ZNF106: variants seen among roughly 807,000 people sequenced by gnomAD.
ZNF106 encodes zinc finger protein 106.
A neutral mutation model predicts 195.1 loss-of-function variants in ZNF106; 67 were observed. The ratio of observed to expected loss-of-function variants is 0.34; its 90% CI spans 0.28 to 0.42. The LOEUF is 0.42. Among genes scored for constraint, ZNF106 ranks in the 10% least tolerant of loss-of-function variants. The pLI, the probability that ZNF106 is intolerant of heterozygous loss-of-function variation, is 1.00. For missense variants in ZNF106, 2,118 were observed against 2,304.5 expected, an observed-to-expected ratio of 0.92 and a Z score of 1.66; for synonymous variants, 784 against 818.6, an observed-to-expected ratio of 0.96 and a Z score of 0.72.
At chr15:42,478,512 C>CTTT (rs58475332) in intron 1 of ZNF106, among the ~76,000 whole-genome samples, 42 of 77,554 alleles carry the variant, frequency 5.4e-4, no homozygotes, top group Non-Finnish European at 7.5e-4. Context: ...TCCTCTTTTT[C>CTTT]TTTTTTTTTT....
chr15:42,430,763 T>C (rs1452564847), intron 14 of ZNF106, among the ~76,000 whole-genome samples: 1 of 151,996 alleles, frequency 6.6e-6, no homozygotes, highest in African/African-American at 2.4e-5. Context: ...CTTTTCCCCC[T>C]GGTTTTATGT....
rs572445481 is a variant in ZNF106, at chr15:42,448,276, G to A, written c.2931C>T (p.Asp977=). The A allele has an allele frequency of 1.2e-6, 2 of 1,614,206 alleles. No homozygotes were observed. Among genetic ancestry groups the A allele is most frequent in the African/African-American group, 1.3e-5 (1 of 75,056 alleles). ...GTATAGACCTCTCCTGGCTGTTCAA[G>A]TCTTTTGCCAAATGCATCAAAGGTA... ...HIIPLMHLAK[D]LNSQERSIPP... The change falls in exon 6 of 22, where the codon GAC becomes GAT. Residue 977 remains aspartate, a synonymous_variant. Coordinates refer to ENST00000564754, the MANE Select transcript of ZNF106 (RefSeq NM_001366845.3).
intron 15 of ZNF106, chr15:42,425,857 T>C (rs1433240582): frequency 6.6e-6 from 1 of 152,230 alleles, no homozygotes; most frequent in African/African-American, 2.4e-5. Flanking sequence ...CAACATCATT[T>C]AGTAGACTAT....
chr15:42,418,036 C>T, intron 20 of ZNF106, 85 bp from the exon 21 acceptor site: 2 of 1,365,638 alleles, frequency 1.5e-6, no homozygotes, highest in Non-Finnish European at 1.9e-6. Context: ...ATCCCATAAG[C>T]ACTATGGAAG....
chr15:42,444,179 TCCA>T lies in ZNF106; in HGVS notation c.3421+20_3421+22del. 1 of 939,920 alleles carries T rather than the reference TCCA, an allele frequency of 1.1e-6. No homozygotes were observed. Among genetic ancestry groups the T allele is most frequent in the Middle Eastern group, 3.8e-4 (1 of 2,660 alleles). 58.2% of individuals were successfully genotyped at this position (939,920 alleles called of 1,614,324 possible). The stretch of plus-strand genomic sequence containing the variant: ...AAGTAACACGCTATAGAGGGCCCAA[TCCA>T]TCAGATGCCCTCTGAATACCTTGTA... On this transcript the variant is annotated intron_variant, in intron 9 of 21. Coordinates refer to ENST00000564754, the MANE Select transcript of ZNF106 (RefSeq NM_001366845.3).
At chr15:42,425,146 T>C (rs1413151821) in intron 15 of ZNF106, 121 bp from the exon 16 acceptor site, 2 of 932,390 alleles carry the variant, frequency 2.1e-6, no homozygotes, top group Non-Finnish European at 3.3e-6. Context: ...ATACCCACTC[T>C]GCAGCCTTAA....
chr15:42,430,822 G>C (rs1341563298), intron 14 of ZNF106, among the ~76,000 whole-genome samples: 1 of 151,212 alleles, frequency 6.6e-6, no homozygotes, highest in Non-Finnish European at 1.5e-5. Flanking sequence ...TTACAAGTTT[G>C]TATAATTTTT....
chr15:42,437,402 A>G (rs1485533240), intron 12 of ZNF106, 25 bp from the exon 13 acceptor site: 1 of 1,612,202 alleles, frequency 6.2e-7, no homozygotes, highest in Non-Finnish European at 8.5e-7. Context: ...TAGGTTTCAG[A>G]GACATGTCTG....
rs1459740672 is a variant in ZNF106 at position 42,444,187 on chromosome 15, A to G, written c.3421+15T>C. The G allele has an allele frequency of 6.3e-7, 1 of 1,584,114 alleles. No homozygotes were observed. Among genetic ancestry groups the G allele is most frequent in the Non-Finnish European group, 8.6e-7 (1 of 1,158,808 alleles). On this transcript the variant is annotated intron_variant, in intron 9 of 21. Transcript: ENST00000564754. ...CGCTATAGAGGGCCCAATCCATCAG[A>G]TGCCCTCTGAATACCTTGTAATCCC...
chr15:42,441,403 T>C (rs2055532410), intron 10 of ZNF106, among the ~76,000 whole-genome samples: 1 of 152,102 alleles, frequency 6.6e-6, no homozygotes, highest in African/African-American at 2.4e-5. Context: ...AACATAGTAC[T>C]GGTAGTAAAA....
At chr15:42,466,301 G>A (rs1054365071) in intron 2 of ZNF106, among the ~76,000 whole-genome samples, 187 bp from the exon 3 acceptor site, 1 of 151,994 alleles carries the variant, frequency 6.6e-6, no homozygotes, top group East Asian at 1.9e-4. Context: ...TATATTTCAT[G>A]TTTAAATAAA....
Position 42,444,913 on chromosome 15 carries a change from A to G in ZNF106, c.3274T>C (p.Cys1092Arg). 1 of 1,614,198 alleles carries G rather than the reference A, an allele frequency of 6.2e-7. No homozygotes were observed. The highest frequency in any genetic ancestry group is 8.5e-7 in the Non-Finnish European group (1 of 1,180,038). The change falls in exon 8 of 22, where the codon TGC becomes CGC. Residue 1092 changes from cysteine to arginine, a missense_variant. Coordinates refer to ENST00000564754, the MANE Select transcript of ZNF106 (RefSeq NM_001366845.3). ...GCTTGCAGAAGATTGTTATCCATGCACTGCAATGACTTACTAAGTTCTTCC... is the reference window on the plus strand; with the variant it reads ...GCTTGCAGAAGATTGTTATCCATGCGCTGCAATGACTTACTAAGTTCTTCC... The part of the protein sequence containing the change: ...REEELSKSLQ[C>R]MDNNLLQARA...
chr15:42,417,061 T>C lies in ZNF106; in HGVS notation c.*243A>G. 4.2e-6 allele frequency: 2 copies of C among 479,966 alleles called. No homozygotes were observed. Among genetic ancestry groups the C allele is most frequent in the Non-Finnish European group, 7.5e-6 (2 of 268,064 alleles). 29.7% of individuals were successfully genotyped at this position (479,966 alleles called of 1,614,324 possible). On this transcript the variant is annotated 3_prime_UTR_variant, in exon 22 of 22. Transcript: ENST00000564754. ...AAATAGCATATATCACTATATGCCA[T>C]GCTGTCCCAGAGAAGTATGGTTCCT...
intron 1 of ZNF106, among the ~76,000 whole-genome samples, chr15:42,485,166 C>A (rs190649576): frequency 0.013 from 1,917 of 151,672 alleles, 37 homozygotes; most frequent in African/African-American, 0.043. Flanking sequence ...ACAACAACAA[C>A]AAAAAAAATA....
intron 2 of ZNF106, among the ~76,000 whole-genome samples, chr15:42,470,848 T>C (rs1159484645): frequency 3.3e-5 from 5 of 152,214 alleles, no homozygotes; most frequent in Admixed American, 3.3e-4. Context: ...CTTCATCAAA[T>C]TTTTAAAACT....
intron 1 of ZNF106, among the ~76,000 whole-genome samples, chr15:42,476,320 C>T (rs2056784498): frequency 6.6e-6 from 1 of 152,164 alleles, no homozygotes; most frequent in Non-Finnish European, 1.5e-5. Context: ...TTAGCCCAGT[C>T]TTCTAGATGG....
intron 3 of ZNF106, among the ~76,000 whole-genome samples, chr15:42,460,344 C>T (rs16973265): frequency 0.3 from 45,272 of 152,096 alleles, 9,818 homozygotes; most frequent in African/African-American, 0.61. Context: ...TAAGGAATGT[C>T]GTATAAAGTA....
intron 5 of ZNF106, among the ~76,000 whole-genome samples, chr15:42,449,389 A>G (rs1169545120): frequency 6.6e-6 from 1 of 152,250 alleles, no homozygotes; most frequent in Non-Finnish European, 1.5e-5. Context: ...GAACAGTTGT[A>G]TTTAAAAGTT....
chr15:42,421,624 G>C (rs1256518525), intron 19 of ZNF106, among the ~76,000 whole-genome samples: 1 of 152,158 alleles, frequency 6.6e-6, no homozygotes, highest in Non-Finnish European at 1.5e-5. Flanking sequence ...CCATTCCAGT[G>C]TTCCATTCAG....
Sources: gnomAD v4.1 joint callset for allele counts (sites outside exome capture counted in the v4.1 genomes callset) on GRCh38, gnomAD v4.1.1 for gene constraint, MANE v1.5 for transcripts, NCBI Gene and HGNC (gene_info 2026-07-23, HGNC 2026-07-21) for gene names.